Variants in CPPED1 observed in about 807,000 individuals in gnomAD.
CPPED1 encodes serine/threonine-protein phosphatase CPPED1.
Under a neutral mutation model 28.0 loss-of-function variants are expected in CPPED1, and 28 were observed. The ratio of observed to expected loss-of-function variants is 1.00; its 90% CI spans 0.74 to 1.37. CPPED1 has a LOEUF of 1.37. Among genes scored for constraint, CPPED1 ranks in the 40% most tolerant of loss-of-function variants. The probability of loss-of-function intolerance (pLI) is 0.00; values close to 1 mark genes in which losing one functional copy is unlikely to be tolerated. For synonymous variants in CPPED1, 198 were observed against 180.2 expected, an observed-to-expected ratio of 1.10 and a Z score of -0.79; for missense variants, 504 against 416.5, an observed-to-expected ratio of 1.21 and a Z score of -1.83.
chr16:12,760,875 T>C (rs2080405172), intron 2 of CPPED1: 3 of 152,264 alleles, frequency 2.0e-5, no homozygotes, highest in African/African-American at 7.2e-5. Flanking sequence ...GGACTGTAAC[T>C]AGGCATCCCC....
intron 2 of CPPED1, among the ~76,000 whole-genome samples, chr16:12,761,909 G>A (rs568313919): frequency 6.6e-6 from 1 of 152,198 alleles, no homozygotes; most frequent in South Asian, 2.1e-4. Context: ...TACTCACTCG[G>A]GAGGCTGAGG....
At chr16:12,760,096 T>G (rs1318166172) in intron 2 of CPPED1, among the ~76,000 whole-genome samples, 2 of 152,214 alleles carry the variant, frequency 1.3e-5, no homozygotes, top group Admixed American at 6.5e-5. Context: ...TTCCGTGATG[T>G]TTCAAAAAGC....
In CPPED1 at chr16:12,676,172, G is replaced by A. The variant is rs190028681; in HGVS notation, c.716-11057C>T. Among the ~76,000 whole-genome samples, 3 of 152,292 alleles carry A rather than the reference G, an allele frequency of 2.0e-5. No individual in the cohort carries two copies. The East Asian group carries it at 5.8e-4, about 29-fold the overall frequency. ...CCAGTGACCCAATGCCTGTGGCCCA[G>A]GACTGCCAGGGGACATGGTGGAAGG... On this transcript the variant is annotated intron_variant, in intron 3 of 3. Coordinates refer to ENST00000381774, the MANE Select transcript of CPPED1 (RefSeq NM_018340.3).
chr16:12,745,474 G>A (rs1264872540), intron 2 of CPPED1, among the ~76,000 whole-genome samples: 1 of 152,174 alleles, frequency 6.6e-6, no homozygotes, highest in African/African-American at 2.4e-5. Flanking sequence ...TATACACCAT[G>A]GAACACTACA....
chr16:12,751,918 T>A (rs2080331949), intron 2 of CPPED1, among the ~76,000 whole-genome samples: 1 of 152,194 alleles, frequency 6.6e-6, no homozygotes, highest in Non-Finnish European at 1.5e-5. Flanking sequence ...TTTTCAGGAC[T>A]CAGTGATAAA....
At chr16:12,763,983 GACA>G (rs1321882088) in intron 2 of CPPED1, among the ~76,000 whole-genome samples, 2 of 151,186 alleles carry the variant, frequency 1.3e-5, no homozygotes, top group Non-Finnish European at 2.9e-5. Flanking sequence ...GAAAGACCAG[GACA>G]ACAACAAGGT....
chr16:12,756,814 T>C (rs2865625), intron 2 of CPPED1, among the ~76,000 whole-genome samples: 41,126 of 152,050 alleles, frequency 0.27, 6,413 homozygotes, highest in African/African-American at 0.43. Context: ...AGGGTCCCTA[T>C]GGAAGTTTAT....
chr16:12,678,937 C>A (rs1401957522), intron 3 of CPPED1, among the ~76,000 whole-genome samples: 1 of 152,146 alleles, frequency 6.6e-6, no homozygotes. Flanking sequence ...GGTGAAAATA[C>A]TCTTTTTCTT....
chr16:12,676,182 G>C (rs963098290), intron 3 of CPPED1, among the ~76,000 whole-genome samples: 2 of 152,180 alleles, frequency 1.3e-5, no homozygotes, highest in African/African-American at 4.8e-5. Flanking sequence ...GGACTGCCAG[G>C]GGACATGGTG....
chr16:12,732,662 T>C (rs561845437), intron 2 of CPPED1, among the ~76,000 whole-genome samples: 4 of 152,178 alleles, frequency 2.6e-5, no homozygotes, highest in Non-Finnish European at 4.4e-5. Flanking sequence ...TGGTTTCATA[T>C]AAAAGATCAA....
At chr16:12,774,425 GCCACTGCACT>G (rs1017800266) in intron 2 of CPPED1, among the ~76,000 whole-genome samples, 12 of 151,784 alleles carry the variant, frequency 7.9e-5, no homozygotes, top group African/African-American at 2.9e-4. Flanking sequence ...CCGAGATCAT[GCCACTGCACT>G]CCAGCCTGGG....
intron 2 of CPPED1, among the ~76,000 whole-genome samples, chr16:12,740,793 A>C (rs1379074578): frequency 6.6e-6 from 1 of 152,174 alleles, no homozygotes; most frequent in East Asian, 1.9e-4. Context: ...GCAGGAAAGG[A>C]GAGCACAGAG....
chr16:12,671,144 T>C (rs1253642078), intron 3 of CPPED1, among the ~76,000 whole-genome samples: 1 of 152,166 alleles, frequency 6.6e-6, no homozygotes, highest in Admixed American at 6.6e-5. Flanking sequence ...AGCCATCGCG[T>C]CTGGCTGTAT....
chr16:12,683,481 C>A (rs747874556), intron 3 of CPPED1, among the ~76,000 whole-genome samples: 2 of 152,148 alleles, frequency 1.3e-5, no homozygotes, highest in African/African-American at 2.4e-5. Flanking sequence ...CATTTCCCAG[C>A]CAACAATCGG....
At chr16:12,747,983 T>C (rs1222799191) in intron 2 of CPPED1, among the ~76,000 whole-genome samples, 1 of 152,116 alleles carries the variant, frequency 6.6e-6, no homozygotes, top group Non-Finnish European at 1.5e-5. Context: ...CTGGTCAAAA[T>C]TAGAAGCCCA....
intron 1 of CPPED1, among the ~76,000 whole-genome samples, chr16:12,799,077 C>T (rs941312628): frequency 5.3e-5 from 8 of 152,068 alleles, no homozygotes; most frequent in African/African-American, 1.7e-4. Flanking sequence ...TAAAGCAAAG[C>T]GCTCTTTCAT....
intron 3 of CPPED1, among the ~76,000 whole-genome samples, chr16:12,693,113 C>T (rs2079971909): frequency 6.6e-6 from 1 of 152,164 alleles, no homozygotes; most frequent in Non-Finnish European, 1.5e-5. Flanking sequence ...GCTCAGTTTC[C>T]ACACCTGTGC....
At position 12,803,570 on chromosome 16, in the gene CPPED1, A is replaced by T. The variant is rs1038556129; in HGVS notation, c.70+137T>A. 3.8e-5 allele frequency: 26 copies of T among 691,318 alleles called. No individual in the cohort carries two copies. In the Admixed American group the frequency reaches 1.0e-3, roughly 28 times the overall value. 42.8% of individuals were successfully genotyped at this position (691,318 alleles called of 1,614,324 possible). A position where few individuals can be genotyped will look rare whatever the true frequency, so the allele number is the denominator to read the frequency against. ...AATCCCTAAGAGCAGGCTTTGATGC[A>T]GCTATGGCGGCTCCCAGGCCCCGGT... On this transcript the variant is annotated intron_variant, in intron 1 of 3. Coordinates refer to ENST00000381774, the MANE Select transcript of CPPED1 (RefSeq NM_018340.3).
intron 2 of CPPED1, among the ~76,000 whole-genome samples, chr16:12,746,547 G>A (rs758240164): frequency 3.3e-5 from 5 of 152,168 alleles, no homozygotes; most frequent in Non-Finnish European, 7.3e-5. Flanking sequence ...AATACCAGAT[G>A]CGGCTCTGGA....
Sources: gnomAD v4.1 joint callset for allele counts (sites outside exome capture counted in the v4.1 genomes callset) on GRCh38, gnomAD v4.1.1 for gene constraint, MANE v1.5 for transcripts, NCBI Gene and HGNC (gene_info 2026-07-23, HGNC 2026-07-21) for gene names.